The following PRELID2 variants were observed in gnomAD, a reference collection of about 807,000 sequenced individuals.
PRELID2 encodes the protein PRELI domain-containing protein 2.
Under a neutral mutation model 28.4 loss-of-function variants are expected in PRELID2, and 25 were observed. The ratio of observed to expected loss-of-function variants is 0.88; its 90% CI spans 0.64 to 1.23. The LOEUF is 1.23. PRELID2 is among the 50% of genes most tolerant of loss of function. PRELID2 has a pLI of 0.00. For missense variants in PRELID2, 201 were observed against 214.4 expected (o/e 0.94, Z 0.39); for synonymous variants, 76 against 71.6 (o/e 1.06, Z -0.31).
intron 1 of PRELID2, among the ~76,000 whole-genome samples, chr5:145,715,745 T>C (rs1346995098): frequency 6.6e-6 from 1 of 152,188 alleles, no homozygotes; most frequent in Non-Finnish European, 1.5e-5. Context: ...GAAATGTTTC[T>C]CCCTATGAGT....
At chr5:145,744,375 C>T (rs542128339) in intron 1 of PRELID2, among the ~76,000 whole-genome samples, 2 of 152,318 alleles carry the variant, frequency 1.3e-5, no homozygotes, top group African/African-American at 2.4e-5. Context: ...AAATGGGTCC[C>T]GTTCCCTGTG....
chr5:145,337,733 T>TCACA, the PRELID2 span, among the ~76,000 whole-genome samples: 157 of 96,066 alleles, frequency 1.6e-3, 1 homozygote, highest in African/African-American at 6.1e-3. Flanking sequence ...ATATATATAC[T>TCACA]CACACACACA....
the PRELID2 span, among the ~76,000 whole-genome samples, chr5:145,449,577 T>C: frequency 6.6e-6 from 1 of 152,148 alleles, no homozygotes; most frequent in African/African-American, 2.4e-5. Flanking sequence ...AACTTTTGTG[T>C]GCAAAAATCG....
At chr5:145,422,440 A>G in the PRELID2 span, among the ~76,000 whole-genome samples, 27 of 152,186 alleles carry the variant, frequency 1.8e-4, no homozygotes, top group African/African-American at 6.5e-4. Context: ...ATATATTTTT[A>G]GGATAGTTAG....
intron 1 of PRELID2, among the ~76,000 whole-genome samples, chr5:145,508,292 A>ATAGATAGATAGATAGG (rs765048800): frequency 2.6e-5 from 4 of 152,094 alleles, no homozygotes; most frequent in Non-Finnish European, 5.9e-5. Flanking sequence ...AGATAGATAG[A>ATAGATAGATAGATAGG]TAGATTAAAA....
the PRELID2 span, among the ~76,000 whole-genome samples, chr5:145,391,684 G>T: frequency 8.4e-3 from 1,147 of 137,162 alleles, 3 homozygotes; most frequent in Non-Finnish European, 0.012. Flanking sequence ...AAAATGTTTT[G>T]TTTTTTTTTT....
intron 1 of PRELID2, among the ~76,000 whole-genome samples, chr5:145,668,135 T>A (rs371557189): frequency 1.8e-4 from 27 of 152,090 alleles, no homozygotes; most frequent in East Asian, 1.7e-3. Flanking sequence ...TATCAAAGAT[T>A]TAGTGTTCCC....
At chr5:145,826,040 T>A (rs1450572556) in intron 1 of PRELID2, 19 of 985,206 alleles carry the variant, frequency 1.9e-5, no homozygotes, top group Non-Finnish European at 2.2e-5. Flanking sequence ...TCTGGACACC[T>A]TTTCAAACAC....
chr5:145,819,909 T>G, intron 3 of PRELID2, 36 bp downstream of exon 3: 1 of 1,252,700 alleles, frequency 8.0e-7, no homozygotes, highest in Non-Finnish European at 1.2e-6. Context: ...AATTACTCAA[T>G]GTTACAACTG....
chr5:145,832,474 C>T (rs894033277), intron 1 of PRELID2, among the ~76,000 whole-genome samples: 2 of 152,132 alleles, frequency 1.3e-5, no homozygotes, highest in Non-Finnish European at 2.9e-5. Context: ...AGTGAGCTGC[C>T]GTGCCCAGCC....
chr5:145,452,464 G>T, the PRELID2 span, among the ~76,000 whole-genome samples: 1 of 151,892 alleles, frequency 6.6e-6, no homozygotes, highest in South Asian at 2.1e-4. Flanking sequence ...TTATTTTTTG[G>T]ACCTCAACTT....
At chr5:145,569,797 A>C (rs1435085925) in intron 1 of PRELID2, among the ~76,000 whole-genome samples, 2 of 152,248 alleles carry the variant, frequency 1.3e-5, no homozygotes, top group African/African-American at 4.8e-5. Flanking sequence ...TAGGTGATGT[A>C]GTGATGGTAC....
the PRELID2 span, among the ~76,000 whole-genome samples, chr5:145,457,627 A>G: frequency 6.6e-6 from 1 of 152,206 alleles, no homozygotes; most frequent in South Asian, 2.1e-4. Context: ...CAATTCAGGA[A>G]ACTGAGACCC....
At chr5:145,716,393 C>G (rs917153230) in intron 1 of PRELID2, among the ~76,000 whole-genome samples, 1 of 152,128 alleles carries the variant, frequency 6.6e-6, no homozygotes, top group Non-Finnish European at 1.5e-5. Context: ...TGGTGAGCTA[C>G]CATGTCTTGA....
At chr5:145,525,880 C>T (rs183181815) in intron 1 of PRELID2, among the ~76,000 whole-genome samples, 28 of 152,194 alleles carry the variant, frequency 1.8e-4, no homozygotes, top group Admixed American at 1.8e-3. Context: ...GGCCAAACTC[C>T]GAAAAAAAGC....
At chr5:145,498,100 G>T (rs534966114) in intron 1 of PRELID2, among the ~76,000 whole-genome samples, 1 of 152,230 alleles carries the variant, frequency 6.6e-6, no homozygotes, top group African/African-American at 2.4e-5. Flanking sequence ...ATCCAGCCAT[G>T]CATTCTCTAG....
chr5:145,276,552 A>G, the PRELID2 span, among the ~76,000 whole-genome samples: 101 of 152,078 alleles, frequency 6.6e-4, no homozygotes, highest in Non-Finnish European at 2.9e-5. Context: ...TAATAGTGTA[A>G]TCTCCTCCCC....
At position 145,763,549 on chromosome 5, in the gene PRELID2, T is replaced by C. The variant is rs181043262; in HGVS notation, c.*10+1382A>G. Among the ~76,000 whole-genome samples, 3 of 152,342 alleles carry C rather than the reference T, an allele frequency of 2.0e-5. No homozygotes were observed. The East Asian group carries it at 5.8e-4, about 29-fold the overall frequency. ...TTACAATTCTCCGAATGATGTTCAT[T>C]CACAGGTCTGGACAGCATGCTTTAC... On this transcript the variant is annotated intron_variant, in intron 6 of 6. Coordinates refer to ENST00000683046, the MANE Select transcript of PRELID2 (RefSeq NM_205846.3).
At chr5:145,792,020 C>T (rs771957411) in intron 5 of PRELID2, among the ~76,000 whole-genome samples, 33 of 152,106 alleles carry the variant, frequency 2.2e-4, no homozygotes, top group Non-Finnish European at 3.7e-4. Context: ...TGGCCGCATT[C>T]CTCTGGCCCA....
Sources: gnomAD v4.1 joint callset for allele counts (sites outside exome capture counted in the v4.1 genomes callset) on GRCh38, gnomAD v4.1.1 for gene constraint, MANE v1.5 for transcripts, NCBI Gene and HGNC (gene_info 2026-07-23, HGNC 2026-07-21) for gene names.